SARDH: variants seen among roughly 807,000 people sequenced by gnomAD.
SARDH encodes sarcosine dehydrogenase, mitochondrial.
A neutral mutation model predicts 109.1 loss-of-function variants in SARDH; 95 were observed. That is an observed-to-expected ratio of 0.87 (90% CI 0.74 to 1.03). SARDH has a LOEUF of 1.03. SARDH is among the 50% of genes least tolerant of loss of function. The probability of loss-of-function intolerance (pLI) is 0.00; values close to 1 mark genes in which losing one functional copy is unlikely to be tolerated. For synonymous variants in SARDH, 572 were observed against 534.8 expected, an observed-to-expected ratio of 1.07 and a Z score of -0.96; for missense variants, 1,267 against 1,287.8, an observed-to-expected ratio of 0.98 and a Z score of 0.25.
At chr9:133,697,697 A>C (rs1588417257) in intron 13 of SARDH, among the ~76,000 whole-genome samples, 1 of 152,230 alleles carries the variant, frequency 6.6e-6, no homozygotes, top group East Asian at 1.9e-4. Flanking sequence ...AGATACAGAA[A>C]AGTATTTGAC....
chr9:133,730,310 T>C (rs2131502532), intron 4 of SARDH, 123 bp from the exon 5 acceptor site: 3 of 1,307,008 alleles, frequency 2.3e-6, no homozygotes, highest in Non-Finnish European at 3.1e-6. Flanking sequence ...CAGCAGCAGG[T>C]CCCCTGCGAC....
chr9:133,690,292 G>A (rs1032624407), intron 16 of SARDH, 88 bp downstream of exon 16: 2 of 1,496,238 alleles, frequency 1.3e-6, no homozygotes, highest in Admixed American at 3.6e-5. Context: ...GGCCCATTCT[G>A]GACAAGCTGT....
Position 133,732,406 on chromosome 9 carries a change from C to T in SARDH, c.510+17G>A, listed in dbSNP as rs1426850983. ...CACCCAAGCCCCCCTCCTTGCCCCCCGCAGGGGAGCACACACCGACATGAG... is the reference window on the plus strand; with the variant it reads ...CACCCAAGCCCCCCTCCTTGCCCCCTGCAGGGGAGCACACACCGACATGAG... On this transcript the variant is annotated intron_variant, in intron 3 of 20. Transcript: ENST00000439388. 1.7e-5 allele frequency: 28 copies of T among 1,606,546 alleles called. No individual in the cohort carries two copies. Among genetic ancestry groups the T allele is most frequent in the South Asian group, 9.9e-5 (9 of 90,866 alleles).
At chr9:133,680,690 G>A (rs116098477) in intron 17 of SARDH, among the ~76,000 whole-genome samples, 1,717 of 152,286 alleles carry the variant, frequency 0.011, 34 homozygotes, top group African/African-American at 0.039. Context: ...TGGACCCACC[G>A]GCCACCCAGC....
chr9:133,732,537 C>T lies in SARDH; in HGVS notation c.396G>A (p.Val132=), dbSNP rs147980334. 223 of 1,613,874 alleles carry T rather than the reference C, an allele frequency of 1.4e-4. No homozygotes were observed. The African/African-American group carries it at 2.7e-3, about 20-fold the overall frequency. ...EVELLAHTRR[V]VSRELEEETG... is the part of the protein sequence containing the mutation. The stretch of plus-strand genomic sequence containing the variant: ...TCTCCTCCTCCAGCTCCCGGCTCAC[C>T]ACCCGCCGAGTGTGGGCCAGAAGCT... The change falls in exon 3 of 21, where the codon GTG becomes GTA. Residue 132 remains valine (V), a synonymous_variant. Transcript: ENST00000439388.
intron 17 of SARDH, among the ~76,000 whole-genome samples, chr9:133,678,762 G>A (rs1226742523): frequency 1.3e-5 from 2 of 152,212 alleles, no homozygotes; most frequent in African/African-American, 4.8e-5. Context: ...CATAGGAACC[G>A]TCTTCCCTGG....
At chr9:133,688,846 T>C (rs1830985641) in intron 16 of SARDH, among the ~76,000 whole-genome samples, 2 of 152,226 alleles carry the variant, frequency 1.3e-5, no homozygotes, top group Non-Finnish European at 2.9e-5. Flanking sequence ...CAGCCTCAAG[T>C]CAAACACTTG....
At chr9:133,689,439 A>C (rs1831012617) in intron 16 of SARDH, among the ~76,000 whole-genome samples, 1 of 151,866 alleles carries the variant, frequency 6.6e-6, no homozygotes, top group Non-Finnish European at 1.5e-5. Flanking sequence ...TGGAAGGCCT[A>C]GACTAGGCCG....
intron 17 of SARDH, among the ~76,000 whole-genome samples, chr9:133,674,364 G>A (rs1039309540): frequency 1.3e-5 from 2 of 152,226 alleles, no homozygotes; most frequent in African/African-American, 4.8e-5. Context: ...GTCCCGGCAC[G>A]TCGTCCTTGG....
intron 1 of SARDH, among the ~76,000 whole-genome samples, chr9:133,736,983 C>T (rs533645032): frequency 1.3e-5 from 2 of 152,354 alleles, no homozygotes; most frequent in African/African-American, 4.8e-5. Flanking sequence ...ATGATAATGT[C>T]TCTACTTCAC....
At chr9:133,699,145 G>C in intron 13 of SARDH, among the ~76,000 whole-genome samples, 1 of 152,156 alleles carries the variant, frequency 6.6e-6, no homozygotes, top group Middle Eastern at 3.2e-3. Flanking sequence ...TCAGGAGTTC[G>C]AGACCAGCCT....
chr9:133,666,615 C>T lies in SARDH; in HGVS notation c.2631+120G>A. The T allele has an allele frequency of 7.4e-7, 1 of 1,350,204 alleles. No homozygotes were observed. The highest frequency in any genetic ancestry group is 1.0e-6 in the Non-Finnish European group (1 of 989,552). The allele number at this position is 1,350,204 out of a possible 1,614,324, so 83.6% of individuals were successfully genotyped here. On this transcript the variant is annotated intron_variant, in intron 20 of 20. Transcript: ENST00000439388. This position sits in a 1 kb window ranked among gnomAD's most constrained non-coding sequence, Gnocchi z 5.2. ...CTCCTTTCTCTTCCCTCCTCCTCTT[C>T]TGGACCACACCCGTGCCTCCTCCCT...
chr9:133,661,346 A>C (rs1041385916), downstream of SARDH, among the ~76,000 whole-genome samples: 37 of 150,914 alleles, frequency 2.5e-4, no homozygotes, highest in Non-Finnish European at 5.5e-4. Flanking sequence ...TCTCAAAAAA[A>C]AAACAACAAC....
chr9:133,667,061 G>C (rs2073835), intron 19 of SARDH, 191 bp from the exon 20 acceptor site: 5 of 673,478 alleles, frequency 7.4e-6, no homozygotes, highest in African/African-American at 7.2e-5. Flanking sequence ...AGCAGGGCTC[G>C]GGCTTCGAGT....
intron 10 of SARDH, among the ~76,000 whole-genome samples, chr9:133,710,443 C>T (rs1046135686): frequency 2.0e-5 from 3 of 152,236 alleles, no homozygotes; most frequent in Non-Finnish European, 4.4e-5. Flanking sequence ...AGACAGGCCC[C>T]GCACCCAGGG....
intron 16 of SARDH, 55 bp downstream of exon 16, chr9:133,690,325 G>A: frequency 6.3e-7 from 1 of 1,580,432 alleles, no homozygotes. Context: ...CCTGTTGGAG[G>A]ACCTGGGTCC....
At chr9:133,732,384 C>T (rs779327881) in intron 3 of SARDH, 39 bp downstream of exon 3, 3 of 1,237,606 alleles carry the variant, frequency 2.4e-6, no homozygotes, top group Non-Finnish European at 3.4e-6. Context: ...ACCCACCCAC[C>T]CAAGCCCCCC....
Position 133,703,017 on chromosome 9 carries a change from C to T in SARDH, c.1567G>A (p.Asp523Asn). 6.2e-7 allele frequency: 1 copy of T among 1,613,154 alleles called. No individual in the cohort carries two copies. Among genetic ancestry groups the T allele is most frequent in the Non-Finnish European group, 8.5e-7 (1 of 1,179,878 alleles). The stretch of plus-strand genomic sequence containing the variant: ...CGGCTCCCGTAAGCCCCGTAGTAGT[C>T]GTACTCGAGGACCTGGGAAGAAAAG... ...PRGPAPVLEYDYYGAYGSRAH... is the reference protein window; with the variant it reads ...PRGPAPVLEYNYYGAYGSRAH... The change falls in exon 13 of 21, where the codon GAC becomes AAC. Residue 523 changes from aspartate (D) to asparagine (N), a missense_variant. Asp to Asn is a conservative substitution (Grantham distance 23, BLOSUM62 1). Coordinates refer to ENST00000439388, the MANE Select transcript of SARDH (RefSeq NM_001134707.2).
rs769779197 is a variant in SARDH, at chr9:133,733,899, C to A, written c.275G>T (p.Gly92Val). 2.0e-6 allele frequency: 3 copies of A among 1,536,852 alleles called. No homozygotes were observed. The highest frequency in any genetic ancestry group is 2.5e-5 in the South Asian group (2 of 78,700). ...CCGCTCCCGCTCCAGCAGCACCGCC[C>A]CACTCATGCCCAGCTTGGCCAGGTG... Reference protein sequence around the residue: ...LYHLAKLGMSGAVLLERERLT... With the variant: ...LYHLAKLGMSVAVLLERERLT... Residue 92 changes from glycine to valine, a missense_variant, in exon 2 of 21, where the codon GGG becomes GTG. Coordinates refer to ENST00000439388, the MANE Select transcript of SARDH (RefSeq NM_001134707.2).
Sources: gnomAD v4.1 joint callset for allele counts (sites outside exome capture counted in the v4.1 genomes callset) on GRCh38, gnomAD v4.1.1 for gene constraint, Gnocchi (gnomAD v3.1) non-coding constraint, MANE v1.5 for transcripts, NCBI Gene and HGNC (gene_info 2026-07-23, HGNC 2026-07-21) for gene names.